Variants in RGS6 observed in about 807,000 individuals in gnomAD.
RGS6 encodes the protein regulator of G-protein signaling 6.
In RGS6, 30 loss-of-function variants were observed where a neutral mutation model predicts 78.5. The ratio of observed to expected loss-of-function variants is 0.38; its 90% CI spans 0.29 to 0.52. The LOEUF is 0.52. Ranked by LOEUF, RGS6 falls within the 20% of genes least tolerant of loss-of-function variation. The pLI is 0.85. For missense variants in RGS6, 495 were observed against 609.7 expected, an observed-to-expected ratio of 0.81 and a Z score of 1.98; for synonymous variants, 206 against 206.0, an observed-to-expected ratio of 1.00 and a Z score of 0.00.
rs1435884590 is a variant in RGS6 at position 72,495,348 on chromosome 14, T to C, written c.965+86T>C. ...GAGATTACCTTATATTCTATCTTAA[T>C]TTGACATTTTTTATCGCTAGAACAG... On this transcript the variant is annotated intron_variant, in intron 13 of 17. Transcript: ENST00000553525. 3.3e-6 allele frequency: 3 copies of C among 905,114 alleles called. No homozygotes were observed. The African/African-American group carries it at 4.9e-5, about 15-fold the overall frequency. 56.1% of individuals were successfully genotyped at this position (905,114 alleles called of 1,614,324 possible).
chr14:72,409,589 G>A (rs768828057), intron 3 of RGS6, among the ~76,000 whole-genome samples: 2 of 151,810 alleles, frequency 1.3e-5, no homozygotes, highest in Non-Finnish European at 2.9e-5. Context: ...TATACTTTAA[G>A]TTTTAGGGTA....
chr14:72,319,742 A>G (rs1417673202), intron 2 of RGS6, among the ~76,000 whole-genome samples: 1 of 152,226 alleles, frequency 6.6e-6, no homozygotes, highest in Non-Finnish European at 1.5e-5. Context: ...TATGATGGGC[A>G]GGATTATCAA....
At chr14:72,529,605 T>C (rs111330272) in intron 15 of RGS6, among the ~76,000 whole-genome samples, 5 of 152,252 alleles carry the variant, frequency 3.3e-5, no homozygotes, top group African/African-American at 9.6e-5. Flanking sequence ...CCCTTGATTG[T>C]CTTTCTCCTC....
At chr14:72,619,301 G>T in the RGS6 span, 20 of 1,535,964 alleles carry the variant, frequency 1.3e-5, no homozygotes, top group Non-Finnish European at 1.6e-5. Flanking sequence ...GGGGCCCTAG[G>T]CCTGGCAGCC....
At chr14:72,440,506 G>A (rs747901127) in intron 3 of RGS6, among the ~76,000 whole-genome samples, 9 of 150,102 alleles carry the variant, frequency 6.0e-5, no homozygotes, top group African/African-American at 7.4e-5. Context: ...TCTGCCTCCC[G>A]GGTTCAAGCG....
chr14:72,574,772 C>T, the RGS6 span, among the ~76,000 whole-genome samples: 1 of 152,164 alleles, frequency 6.6e-6, no homozygotes, highest in Admixed American at 6.5e-5. Context: ...AAAGCCCCCA[C>T]CTGCTGAGGG....
At chr14:72,024,308 C>T (rs751403057) in intron 2 of RGS6, among the ~76,000 whole-genome samples, 3 of 152,174 alleles carry the variant, frequency 2.0e-5, no homozygotes, top group Non-Finnish European at 4.4e-5. Context: ...TTGTTCCTAA[C>T]GTTGAATGTG....
chr14:71,888,737 A>T, the RGS6 span, among the ~76,000 whole-genome samples: 1 of 152,168 alleles, frequency 6.6e-6, no homozygotes, highest in African/African-American at 2.4e-5. Flanking sequence ...ACAGACTATG[A>T]TGGGAACAAG....
At chr14:72,496,210 A>G (rs1385016755) in intron 13 of RGS6, among the ~76,000 whole-genome samples, 1 of 120,178 alleles carries the variant, frequency 8.3e-6, no homozygotes, top group Non-Finnish European at 1.7e-5. Flanking sequence ...CTTTGTTTAT[A>G]GTCTAATGCT....
chr14:72,082,061 G>C (rs947174709), intron 2 of RGS6, among the ~76,000 whole-genome samples: 2 of 151,968 alleles, frequency 1.3e-5, no homozygotes, highest in African/African-American at 4.8e-5. Context: ...TTAGAGAGTT[G>C]CTCATGAATT....
chr14:72,143,599 G>A (rs952608827), intron 2 of RGS6, among the ~76,000 whole-genome samples: 1 of 152,130 alleles, frequency 6.6e-6, no homozygotes, highest in African/African-American at 2.4e-5. Context: ...GGCTTTTGGG[G>A]TGCAGTTTAT....
intron 2 of RGS6, among the ~76,000 whole-genome samples, chr14:72,280,878 C>T (rs992776915): frequency 2.0e-5 from 3 of 152,110 alleles, no homozygotes; most frequent in Non-Finnish European, 4.4e-5. Flanking sequence ...TGCCTCGTCC[C>T]ACAGAAAATA....
Position 72,130,826 on chromosome 14 carries a change from T to TA in RGS6, c.84+165952dup, listed in dbSNP as rs372767125. 5.6e-3 allele frequency among the ~76,000 whole-genome samples: 854 copies of TA among 152,354 alleles called. 3 individuals carry two copies. The highest frequency in any genetic ancestry group is 0.019 in the African/African-American group (773 of 41,582). On this transcript the variant is annotated intron_variant, in intron 2 of 17. Coordinates refer to ENST00000553525, the MANE Select transcript of RGS6 (RefSeq NM_001204424.2). ...TTTCTGGAAAGCTAATGCTATGTCTTACGTATACATAAACGGATGAATGAG... is the reference window on the plus strand; with the variant it reads ...TTTCTGGAAAGCTAATGCTATGTCTTAACGTATACATAAACGGATGAATGAG...
the RGS6 span, among the ~76,000 whole-genome samples, chr14:72,579,146 C>T: frequency 6.6e-6 from 1 of 152,160 alleles, no homozygotes; most frequent in Middle Eastern, 3.2e-3. Context: ...TCAGATCTAA[C>T]TGACTGGGTA....
At chr14:72,454,013 A>G (rs531228209) in intron 3 of RGS6, among the ~76,000 whole-genome samples, 2 of 152,370 alleles carry the variant, frequency 1.3e-5, no homozygotes, top group East Asian at 3.9e-4. Flanking sequence ...AATGTAATCT[A>G]GCTATGGCAC....
At chr14:72,223,131 G>A (rs529347842) in intron 2 of RGS6, among the ~76,000 whole-genome samples, 1 of 152,088 alleles carries the variant, frequency 6.6e-6, no homozygotes, top group South Asian at 2.1e-4. Flanking sequence ...AAATTTTCTC[G>A]TTAGACTTCA....
At chr14:72,293,287 A>T (rs867200918) in intron 2 of RGS6, among the ~76,000 whole-genome samples, 1 of 152,196 alleles carries the variant, frequency 6.6e-6, no homozygotes, top group African/African-American at 2.4e-5. Context: ...GTTATTATTC[A>T]TAGTCCCTCT....
rs145494950 is a variant in RGS6, at chr14:72,171,277, A to G, written c.85-180818A>G. Reference sequence around the variant, plus strand: ...CATGTATGGACCTGTGCATGAACACACAAATCCCATCAACTTCTTTTTTTC... The same window carrying G: ...CATGTATGGACCTGTGCATGAACACGCAAATCCCATCAACTTCTTTTTTTC... On this transcript the variant is annotated intron_variant, in intron 2 of 17. Transcript: ENST00000553525. 4.5e-3 allele frequency among the ~76,000 whole-genome samples: 690 copies of G among 152,288 alleles called. 7 individuals are homozygous for G. Among genetic ancestry groups the G allele is most frequent in the African/African-American group, 0.016 (653 of 41,568 alleles).
chr14:71,961,527 T>A (rs1315473756), intron 1 of RGS6, among the ~76,000 whole-genome samples: 1 of 152,108 alleles, frequency 6.6e-6, no homozygotes, highest in Non-Finnish European at 1.5e-5. Context: ...GGAACTTGCC[T>A]AAGATCACAC....
Sources: gnomAD v4.1 joint callset for allele counts (sites outside exome capture counted in the v4.1 genomes callset) on GRCh38, gnomAD v4.1.1 for gene constraint, MANE v1.5 for transcripts, NCBI Gene and HGNC (gene_info 2026-07-23, HGNC 2026-07-21) for gene names.